SMIM31: variants seen among roughly 807,000 people sequenced by gnomAD.
The protein encoded by SMIM31 is human epithelial cell program regulator.
intron 2 of SMIM31, among the ~76,000 whole-genome samples, chr4:164,777,302 C>T (rs887712830): frequency 2.0e-5 from 3 of 152,170 alleles, no homozygotes; most frequent in African/African-American, 4.8e-5. Flanking sequence ...ATATAAATGG[C>T]GTGGTATATT....
chr4:164,778,044 A>C (rs892493374), intron 2 of SMIM31, among the ~76,000 whole-genome samples: 42 of 152,214 alleles, frequency 2.8e-4, no homozygotes, highest in African/African-American at 9.9e-4. Context: ...TTTGTTGTTT[A>C]AGAAGATCCC....
intron 2 of SMIM31, among the ~76,000 whole-genome samples, chr4:164,791,111 A>G (rs1490704064): frequency 2.0e-5 from 3 of 152,206 alleles, no homozygotes; most frequent in Non-Finnish European, 4.4e-5. Flanking sequence ...GATCACAGAT[A>G]TAACTTCTAT....
chr4:164,764,524 G>A lies in SMIM31; in HGVS notation c.-25-5895G>A, dbSNP rs185940190. Among the ~76,000 whole-genome samples the A allele has an allele frequency of 2.5e-3, 378 of 148,350 alleles. 7 individuals carry two copies. Among genetic ancestry groups the A allele is most frequent in the Admixed American group, 0.021 (310 of 14,624 alleles). ...GGAGGTTGCAGTGAGCCAAGATCGC[G>A]CCACTGCACTACAGCCTGGCGACAG... is the stretch of plus-strand genomic sequence containing the variant. On this transcript the variant is annotated intron_variant, in intron 1 of 2. Transcript: ENST00000507311.
chr4:164,795,119 T>C (rs1467363732), intron 2 of SMIM31, among the ~76,000 whole-genome samples: 1 of 152,220 alleles, frequency 6.6e-6, no homozygotes, highest in African/African-American at 2.4e-5. Flanking sequence ...CAAAATTTAA[T>C]TTTAATGAAG....
intron 1 of SMIM31, among the ~76,000 whole-genome samples, chr4:164,763,718 T>A (rs2110923844): frequency 6.6e-6 from 1 of 152,316 alleles, no homozygotes; most frequent in Admixed American, 6.5e-5. Context: ...AGCTTGTTCT[T>A]ATGGAAAAGA....
intron 1 of SMIM31, among the ~76,000 whole-genome samples, chr4:164,764,311 G>A (rs546052898): frequency 1.3e-3 from 199 of 152,004 alleles, no homozygotes; most frequent in African/African-American, 4.6e-3. Flanking sequence ...GCTCACACCT[G>A]TAACCTCAGC....
chr4:164,770,993 A>G (rs1732794187), intron 2 of SMIM31, among the ~76,000 whole-genome samples: 1 of 152,218 alleles, frequency 6.6e-6, no homozygotes, highest in Admixed American at 6.5e-5. Context: ...GGAACCAAAA[A>G]TTTATATTTA....
intron 1 of SMIM31, among the ~76,000 whole-genome samples, chr4:164,763,350 A>G (rs1732676402): frequency 6.6e-6 from 1 of 152,204 alleles, no homozygotes; most frequent in Admixed American, 6.5e-5. Context: ...ATCATCCTTT[A>G]GAAACTCAGA....
intron 2 of SMIM31, among the ~76,000 whole-genome samples, chr4:164,783,733 A>G (rs1732991335): frequency 6.6e-6 from 1 of 152,150 alleles, no homozygotes; most frequent in East Asian, 1.9e-4. Context: ...CCTGAGCAAC[A>G]CAGCGAGACC....
intron 2 of SMIM31, among the ~76,000 whole-genome samples, chr4:164,785,085 G>A (rs1335823497): frequency 2.0e-5 from 3 of 151,874 alleles, no homozygotes; most frequent in Non-Finnish European, 4.4e-5. Flanking sequence ...AGTTAGCCGG[G>A]TGTGGTGGCA....
chr4:164,773,446 T>TA (rs1409067331), intron 2 of SMIM31, among the ~76,000 whole-genome samples: 1 of 152,194 alleles, frequency 6.6e-6, no homozygotes, highest in African/African-American at 2.4e-5. Flanking sequence ...TCAGGAAACT[T>TA]ACAATCGTGG....
At chr4:164,766,921 A>G (rs1014368848) in intron 1 of SMIM31, among the ~76,000 whole-genome samples, 1 of 152,206 alleles carries the variant, frequency 6.6e-6, no homozygotes, top group Admixed American at 6.5e-5. Flanking sequence ...TGAACTGAAG[A>G]GAAGACACAG....
intron 2 of SMIM31, among the ~76,000 whole-genome samples, chr4:164,773,019 C>T: frequency 1.3e-5 from 1 of 75,228 alleles, no homozygotes; most frequent in Non-Finnish European, 2.4e-5. Context: ...TTGAAAAAGA[C>T]ACTTGGCTTT....
chr4:164,767,393 G>A (rs777525551), intron 1 of SMIM31, among the ~76,000 whole-genome samples: 12 of 152,150 alleles, frequency 7.9e-5, no homozygotes, highest in African/African-American at 2.4e-4. Context: ...AAGGAGTTAC[G>A]TTAATTTTTA....
At chr4:164,784,109 G>A (rs759174912) in intron 2 of SMIM31, among the ~76,000 whole-genome samples, 4 of 152,166 alleles carry the variant, frequency 2.6e-5, no homozygotes, top group East Asian at 1.9e-4. Flanking sequence ...TACAACTAAC[G>A]ATGAAGAAAG....
chr4:164,755,867 A>T (rs1030907626), intron 1 of SMIM31, among the ~76,000 whole-genome samples: 1 of 152,172 alleles, frequency 6.6e-6, no homozygotes, highest in Non-Finnish European at 1.5e-5. Flanking sequence ...TTGTTCAAAC[A>T]TAGAGAAAAA....
rs148352061 is a variant in SMIM31 at position 164,773,434 on chromosome 4, C to A, written c.112+2879C>A. On this transcript the variant is annotated intron_variant, in intron 2 of 2. Coordinates refer to ENST00000507311, the MANE Select transcript of SMIM31 (RefSeq NM_001352885.1). ...TCACAGTTCAGCATGGCTGGGGAGG[C>A]CTCAGGAAACTTACAATCGTGGTGG... is the stretch of plus-strand genomic sequence containing the variant. 1.4e-3 allele frequency among the ~76,000 whole-genome samples: 218 copies of A among 152,262 alleles called. 1 individual carries two copies. The highest frequency in any genetic ancestry group is 2.6e-3 in the Non-Finnish European group (179 of 68,014).
chr4:164,794,349 C>A (rs1733158895), intron 2 of SMIM31, among the ~76,000 whole-genome samples: 1 of 151,956 alleles, frequency 6.6e-6, no homozygotes, highest in Non-Finnish European at 1.5e-5. Context: ...TGCCACTGCA[C>A]TCCAGTCTGG....
chr4:164,779,623 A>T (rs1732921957), intron 2 of SMIM31, among the ~76,000 whole-genome samples: 1 of 152,174 alleles, frequency 6.6e-6, no homozygotes, highest in South Asian at 2.1e-4. Flanking sequence ...TTAAGAAGAC[A>T]TGGCCATAAG....
Sources: allele counts gnomAD v4.1 joint callset (sites outside exome capture counted in the v4.1 genomes callset), GRCh38; gene constraint gnomAD v4.1.1; transcripts MANE v1.5; gene names NCBI Gene and HGNC (gene_info 2026-07-23, HGNC 2026-07-21).